The following LRRIQ3 variants were observed in gnomAD, a reference collection of about 807,000 sequenced individuals.
LRRIQ3 encodes leucine-rich repeat and IQ domain-containing protein 3.
Under a neutral mutation model 59.3 loss-of-function variants are expected in LRRIQ3, and 75 were observed. The ratio of observed to expected loss-of-function variants is 1.26; its 90% confidence interval spans 1.05 to 1.53. The LOEUF is 1.53. Ranked by LOEUF, LRRIQ3 falls within the 40% of genes most tolerant of loss-of-function variation. The probability of loss-of-function intolerance (pLI) is 0.00; values close to 1 mark genes in which losing one functional copy is unlikely to be tolerated. For missense variants in LRRIQ3, 831 were observed against 710.0 expected (o/e 1.17, Z -1.94); for synonymous variants, 250 against 231.3 (o/e 1.08, Z -0.73).
intron 2 of LRRIQ3, chr1:74,183,151 C>T (rs572506446): frequency 3.2e-6 from 1 of 311,774 alleles, no homozygotes; most frequent in East Asian, 5.8e-5. Flanking sequence ...TTCTAAAATA[C>T]TTTCCTTACC....
rs1352578268 is a variant in LRRIQ3, at chr1:74,078,916, G to T, written c.868-4126C>A. Among the ~76,000 whole-genome samples the T allele has an allele frequency of 3.3e-5, 5 of 151,790 alleles. No homozygotes were observed. The East Asian group carries it at 9.7e-4, about 29-fold the overall frequency. ...TTTTTGATCAACTCAGAAATACTTA[G>T]AATTTGTTATTTAACCCTTCTTCTG... On this transcript the variant is annotated intron_variant, in intron 5 of 7. Coordinates refer to ENST00000354431, the MANE Select transcript of LRRIQ3 (RefSeq NM_001105659.2).
At chr1:74,138,983 G>A (rs961231410) in intron 4 of LRRIQ3, among the ~76,000 whole-genome samples, 3 of 150,432 alleles carry the variant, frequency 2.0e-5, no homozygotes, top group Non-Finnish European at 3.0e-5. Context: ...AGACCAGACC[G>A]AACAACATAA....
intron 4 of LRRIQ3, chr1:74,144,517 A>T: frequency 3.2e-6 from 1 of 309,796 alleles, no homozygotes; most frequent in South Asian, 2.8e-5. Flanking sequence ...ATCTTCAAGC[A>T]ATCCTTAAAT....
chr1:74,046,028 C>A (rs1654192567), intron 6 of LRRIQ3, among the ~76,000 whole-genome samples: 1 of 152,152 alleles, frequency 6.6e-6, no homozygotes. Context: ...AATGGCCACA[C>A]TGCCCAAAGC....
At chr1:74,176,625 C>T (rs1649656485) in intron 3 of LRRIQ3, among the ~76,000 whole-genome samples, 1 of 128,728 alleles carries the variant, frequency 7.8e-6, no homozygotes, top group Admixed American at 8.6e-5. Context: ...ATACCTGAAG[C>T]TATGTTCATT....
rs960087708 is a variant in LRRIQ3, at chr1:74,109,506, C to A, written c.755G>T (p.Gly252Val). The A allele has an allele frequency of 1.3e-6, 2 of 1,564,232 alleles. No individual in the cohort carries two copies. The highest frequency in any genetic ancestry group is 1.7e-6 in the Non-Finnish European group (2 of 1,160,842). ...TATGTAAATCCATTTTGCTTCATAT[C>A]CTCTAATAATTTTTTCCTGCTGTTT... Reference protein sequence around the residue: ...KKKQQEKIIRGYEAKWIYITK... With the variant: ...KKKQQEKIIRVYEAKWIYITK... The change falls in exon 5 of 8, where the codon GGA (glycine) becomes GTA (valine). Residue 252 changes from glycine (G) to valine (V), a missense_variant. Transcript: ENST00000354431.
chr1:74,118,506 T>C (rs1264433836), intron 4 of LRRIQ3, among the ~76,000 whole-genome samples: 1 of 152,004 alleles, frequency 6.6e-6, no homozygotes, highest in Non-Finnish European at 1.5e-5. Context: ...CCACCAGAAA[T>C]AAGACAGTAT....
chr1:74,161,236 C>T (rs1445544391), intron 3 of LRRIQ3, among the ~76,000 whole-genome samples: 1 of 151,940 alleles, frequency 6.6e-6, no homozygotes, highest in Non-Finnish European at 1.5e-5. Flanking sequence ...ACCCTCATGA[C>T]CTAATCACCT....
chr1:74,188,239 G>C (rs1392519125), intron 1 of LRRIQ3, among the ~76,000 whole-genome samples: 1 of 151,960 alleles, frequency 6.6e-6, no homozygotes, highest in African/African-American at 2.4e-5. Context: ...GACACATAAA[G>C]GGGAACAACA....
chr1:74,026,854 T>G lies in LRRIQ3; in HGVS notation c.1834A>C (p.Thr612Pro). 1 of 1,609,144 alleles carries G rather than the reference T, an allele frequency of 6.2e-7. No individual in the cohort carries two copies. Among genetic ancestry groups the G allele is most frequent in the Non-Finnish European group, 8.5e-7 (1 of 1,177,802 alleles). Residue 612 changes from threonine to proline, a missense_variant, in exon 8 of 8, where the codon ACA (threonine) becomes CCA (proline). Transcript: ENST00000354431. ...DAKTKVAIVK[T>P]NLDFKVPNGL... ...TTGGGAACTTTAAAGTCTAAATTTG[T>G]TTTCACAATTGCTACTTTTGTTTTA...
At chr1:74,173,661 T>C (rs528353677) in intron 3 of LRRIQ3, among the ~76,000 whole-genome samples, 1 of 152,212 alleles carries the variant, frequency 6.6e-6, no homozygotes, top group Admixed American at 6.5e-5. Flanking sequence ...TATCATACTT[T>C]TCATATTGTA....
intron 4 of LRRIQ3, among the ~76,000 whole-genome samples, chr1:74,126,222 G>A (rs1646934231): frequency 6.6e-6 from 1 of 151,612 alleles, no homozygotes; most frequent in Admixed American, 6.6e-5. Context: ...CTCTGATTTT[G>A]CTGATTTGGG....
In LRRIQ3 at chr1:74,183,651, T is replaced by TG. The variant is rs1161670769; in HGVS notation, c.33dup (p.Ser12GlnfsTer3). 6.2e-7 allele frequency: 1 copy of TG among 1,607,068 alleles called. No individual in the cohort carries two copies. Among genetic ancestry groups the TG allele is most frequent in the Non-Finnish European group, 8.5e-7 (1 of 1,176,642 alleles). On this transcript the variant is annotated frameshift_variant, in exon 2 of 8. Coordinates refer to ENST00000354431, the MANE Select transcript of LRRIQ3 (RefSeq NM_001105659.2). LOFTEE classifies it high-confidence loss of function. ...TTATAGTGACTCCATTCTTCATGAC[T>TG]GGTTAGCTCTTCTGTGACTGTTCCA...
At chr1:74,152,341 A>G (rs1648047326) in intron 4 of LRRIQ3, among the ~76,000 whole-genome samples, 1 of 152,172 alleles carries the variant, frequency 6.6e-6, no homozygotes, top group African/African-American at 2.4e-5. Flanking sequence ...AAGAACTACC[A>G]TCACTATGAT....
intron 4 of LRRIQ3, 39 bp from the exon 5 acceptor site, chr1:74,109,592 T>C (rs769763335): frequency 6.6e-7 from 1 of 1,517,094 alleles, no homozygotes; most frequent in Non-Finnish European, 8.8e-7. Context: ...TGTTAGTTTT[T>C]TGCCATTAAA....
intron 6 of LRRIQ3, among the ~76,000 whole-genome samples, chr1:74,069,071 T>C (rs957809426): frequency 6.6e-6 from 1 of 152,100 alleles, no homozygotes; most frequent in Non-Finnish European, 1.5e-5. Context: ...GGCAGGTTGA[T>C]ACAATGACCC....
intron 5 of LRRIQ3, among the ~76,000 whole-genome samples, chr1:74,100,553 AC>A (rs1449723988): frequency 6.6e-6 from 1 of 152,186 alleles, no homozygotes; most frequent in African/African-American, 2.4e-5. Context: ...ATTGGAAAAA[AC>A]TACTTTCAAG....
intron 4 of LRRIQ3, among the ~76,000 whole-genome samples, chr1:74,151,006 GCTTT>G (rs1647898988): frequency 7.8e-6 from 1 of 128,204 alleles, no homozygotes; most frequent in African/African-American, 2.8e-5. Flanking sequence ...ATTGAATGAT[GCTTT>G]CTTTTTTTTT....
chr1:74,133,504 C>T (rs1035565660), intron 4 of LRRIQ3, among the ~76,000 whole-genome samples: 2 of 152,018 alleles, frequency 1.3e-5, no homozygotes, highest in Admixed American at 6.6e-5. Context: ...AAATGTGGCA[C>T]ATATACACCA....
Sources: gnomAD v4.1 joint callset for allele counts (sites outside exome capture counted in the v4.1 genomes callset) on GRCh38, gnomAD v4.1.1 for gene constraint, MANE v1.5 for transcripts, NCBI Gene and HGNC (gene_info 2026-07-23, HGNC 2026-07-21) for gene names.